Variants in GNB3 observed in about 807,000 individuals in gnomAD.
GNB3 encodes the protein guanine nucleotide-binding protein G(I)/G(S)/G(T) subunit beta-3.
GNB3 carries 33 observed loss-of-function variants against 41.2 expected under a neutral mutation model. The observed-to-expected ratio is 0.80, with a 90% confidence interval of 0.61 to 1.07. GNB3 has a LOEUF of 1.07. Ranked by LOEUF, GNB3 falls within the 50% of genes least tolerant of loss-of-function variation. The pLI is 0.00. For synonymous variants in GNB3, 172 were observed against 173.4 expected, an observed-to-expected ratio of 0.99 and a Z score of 0.06; for missense variants, 409 against 455.3, an observed-to-expected ratio of 0.90 and a Z score of 0.92.
chr12:6,844,493 CACCGCAGTCTCA>C (rs1189311891), intron 8 of GNB3, among the ~76,000 whole-genome samples: 1 of 152,116 alleles, frequency 6.6e-6, no homozygotes, highest in African/African-American at 2.4e-5. Context: ...TATCATAGCT[CACCGCAGTCTCA>C]ACCTCCAGGG....
chr12:6,845,993 C>G, intron 9 of GNB3, 191 bp downstream of exon 9: 1 of 592,052 alleles, frequency 1.7e-6, no homozygotes, highest in Non-Finnish European at 3.0e-6. Flanking sequence ...CAGTGTTGCT[C>G]TAAGCAGCCT....
intron 9 of GNB3, chr12:6,846,003 T>C: frequency 1.7e-6 from 1 of 582,814 alleles, no homozygotes. Flanking sequence ...CTAAGCAGCC[T>C]CTCTCCACTG....
At position 6,843,034 on chromosome 12, in the gene GNB3, A is replaced by T; in HGVS notation, c.161A>T (p.His54Leu). The T allele has an allele frequency of 6.3e-7, 1 of 1,583,106 alleles. No individual in the cohort carries two copies. Among genetic ancestry groups the T allele is most frequent in the Non-Finnish European group, 8.6e-7 (1 of 1,159,542 alleles). Residue 54 changes from histidine (H) to leucine (L), a missense_variant, in exon 4 of 10, where the codon CAC becomes CTC. Coordinates refer to ENST00000229264, the MANE Select transcript of GNB3 (RefSeq NM_002075.4). This position sits in a 1 kb window ranked among gnomAD's most constrained non-coding sequence, Gnocchi z 5.9. ...QMRTRRTLRGHLAKIYAMHWA... is the reference protein window; with the variant it reads ...QMRTRRTLRGLLAKIYAMHWA... The stretch of plus-strand genomic sequence containing the variant: ...CGGACGCGGCGGACGTTAAGGGGAC[A>T]CCTGGCCAAGATTTACGCCATGCAC...
At position 6,843,248 on chromosome 12, in the gene GNB3, T is replaced by C; in HGVS notation, c.267+11T>C. On this transcript the variant is annotated intron_variant, in intron 5 of 9. Coordinates refer to ENST00000229264, the MANE Select transcript of GNB3 (RefSeq NM_002075.4). This position sits in a 1 kb window ranked among gnomAD's most constrained non-coding sequence, Gnocchi z 5.9. ...TACACCACCAACAAGGTACCAGCCC[T>C]GCCTCCCTGAGCCTCCACCACTGCA... is the stretch of plus-strand genomic sequence containing the variant. The C allele has an allele frequency of 1.2e-6, 2 of 1,613,502 alleles. No individual in the cohort carries two copies. Among genetic ancestry groups the C allele is most frequent in the Non-Finnish European group, 1.7e-6 (2 of 1,179,458 alleles).
At position 6,843,369 on chromosome 12, in the gene GNB3, G is replaced by A. The variant is rs1268745886; in HGVS notation, c.274G>A (p.Ala92Thr). ...CAAACCACCCTCCCTGCAGGTGCAC[G>A]CCATCCCACTGCGCTCCTCCTGGGT... The part of the protein sequence containing the change: ...WDSYTTNKVH[A>T]IPLRSSWVMT... Residue 92 changes from alanine (A) to threonine (T), a missense_variant, in exon 6 of 10, where the codon GCC (alanine) becomes ACC (threonine). Ala to Thr is a moderately conservative substitution (Grantham distance 58). Coordinates refer to ENST00000229264, the MANE Select transcript of GNB3 (RefSeq NM_002075.4). This position sits in a 1 kb window ranked among gnomAD's most constrained non-coding sequence, Gnocchi z 5.9. The A allele has an allele frequency of 8.1e-6, 13 of 1,613,886 alleles. No homozygotes were observed. The highest frequency in any genetic ancestry group is 1.7e-5 in the Admixed American group (1 of 59,992).
At position 6,846,900 on chromosome 12, in the gene GNB3, G is replaced by A; in HGVS notation, c.*2G>A. The A allele has an allele frequency of 3.9e-6, 6 of 1,550,512 alleles. No individual in the cohort carries two copies. The highest frequency in any genetic ancestry group is 1.3e-5 in the African/African-American group (1 of 74,096). On this transcript the variant is annotated 3_prime_UTR_variant, in exon 10 of 10. Transcript: ENST00000229264. ...AGCTTCCTCAAAATCTGGAACTGAG[G>A]AGGCTGGAGAAAGGGAAGTGGAAGG...
In GNB3 at chr12:6,843,975, C is replaced by A; in HGVS notation, c.696C>A (p.Ile232=). 1 of 1,606,586 alleles carries A rather than the reference C, an allele frequency of 6.2e-7. No homozygotes were observed. The highest frequency in any genetic ancestry group is 8.5e-7 in the Non-Finnish European group (1 of 1,175,268). ...FTGHESDINA[I]CFFPNGEAIC... ...GCCACGAGTCGGACATCAACGCCAT[C>A]TGTGTGAGTGCACCCCCCACCCCAG... The change falls in exon 8 of 10, where the codon ATC becomes ATA. Residue 232 remains isoleucine, a synonymous_variant. Transcript: ENST00000229264. The surrounding 1 kb of genome is among the most constrained non-coding windows in gnomAD (Gnocchi z 5.9).
At chr12:6,846,634 TACAC>T in intron 9 of GNB3, 154 bp from the exon 10 acceptor site, 1 of 602,518 alleles carries the variant, frequency 1.7e-6, no homozygotes, top group East Asian at 2.8e-5. Flanking sequence ...CACACACACG[TACAC>T]ACACCCACAC....
chr12:6,844,091 GTATTTTTT>G lies in GNB3; in HGVS notation c.699+115_699+122del, dbSNP rs1943632804. On this transcript the variant is annotated intron_variant, in intron 8 of 9. Transcript: ENST00000229264. The stretch of plus-strand genomic sequence containing the variant: ...ATAGCTTCCCTAGCCCTTTCTTACT[GTATTTTTT>G]TTTTTTTTTTTTTTTTTTTTGAGAC... 25 of 258,854 alleles carry G rather than the reference GTATTTTTT, an allele frequency of 9.7e-5. 2 individuals carry two copies. The highest frequency in any genetic ancestry group is 4.4e-4 in the South Asian group (6 of 13,676). The allele number at this position is 258,854 out of a possible 1,614,324, so 16.0% of individuals were successfully genotyped here.
At chr12:6,845,263 G>A (rs1459803520) in intron 8 of GNB3, 1 of 331,366 alleles carries the variant, frequency 3.0e-6, no homozygotes, top group African/African-American at 2.1e-5. Context: ...CAGCCCACTT[G>A]TGTAGTCTGG....
rs926998095 is a variant in GNB3, at chr12:6,840,964, C to A, written c.-100C>A. 9.5e-6 allele frequency: 4 copies of A among 420,080 alleles called. No individual in the cohort carries two copies. The highest frequency in any genetic ancestry group is 4.2e-5 in the African/African-American group (2 of 47,584). 26.0% of individuals were successfully genotyped at this position (420,080 alleles called of 1,614,324 possible). On this transcript the variant is annotated 5_prime_UTR_variant, in exon 1 of 10. Transcript: ENST00000229264. ...AGGTGACGGGCGGGCGCGGGCGTCG[C>A]AGCTGAGGGAGTAAGGAGGCTCCCA...
chr12:6,846,693 A>G (rs1416563186), intron 9 of GNB3, 99 bp from the exon 10 acceptor site: 2 of 652,270 alleles, frequency 3.1e-6, no homozygotes, highest in Non-Finnish European at 5.4e-6. Flanking sequence ...CCACATACAC[A>G]CACACACCCA....
chr12:6,845,576 G>C lies in GNB3; in HGVS notation c.700-10G>C. ...CTGATCCCTGACCCACTTGCCACCC[G>C]TGCCCTCAGTTCTTCCCCAATGGAG... On this transcript the variant is annotated splice_polypyrimidine_tract_variant and intron_variant, in intron 8 of 9. Coordinates refer to ENST00000229264, the MANE Select transcript of GNB3 (RefSeq NM_002075.4). 6.3e-7 allele frequency: 1 copy of C among 1,596,998 alleles called. No individual in the cohort carries two copies. Among genetic ancestry groups the C allele is most frequent in the Non-Finnish European group, 8.5e-7 (1 of 1,170,306 alleles).
chr12:6,846,863 G>A lies in GNB3; in HGVS notation c.988G>A (p.Gly330Ser). ...AGCTGACGGGATGGCTGTGGCCACAGGTTCCTGGGACAGCTTCCTCAAAAT... is the reference window on the plus strand; with the variant it reads ...AGCTGACGGGATGGCTGTGGCCACAAGTTCCTGGGACAGCTTCCTCAAAAT... ...VTADGMAVAT[G>S]SWDSFLKIWN Residue 330 changes from glycine to serine, a missense_variant, in exon 10 of 10, where the codon GGT (glycine) becomes AGT (serine). By Grantham distance (56) the Gly-to-Ser change is moderately conservative. Coordinates refer to ENST00000229264, the MANE Select transcript of GNB3 (RefSeq NM_002075.4). 2 of 1,598,860 alleles carry A rather than the reference G, an allele frequency of 1.3e-6. No homozygotes were observed. Among genetic ancestry groups the A allele is most frequent in the Non-Finnish European group, 1.7e-6 (2 of 1,172,590 alleles).
Position 6,840,962 on chromosome 12 carries a change from C to T in GNB3, c.-102C>T, listed in dbSNP as rs971143042. On this transcript the variant is annotated 5_prime_UTR_variant, in exon 1 of 10. Coordinates refer to ENST00000229264, the MANE Select transcript of GNB3 (RefSeq NM_002075.4). ...GCAGGTGACGGGCGGGCGCGGGCGT[C>T]GCAGCTGAGGGAGTAAGGAGGCTCC... The T allele has an allele frequency of 9.3e-5, 38 of 406,420 alleles. No homozygotes were observed. Among genetic ancestry groups the T allele is most frequent in the African/African-American group, 5.7e-4 (27 of 47,170 alleles). The allele number at this position is 406,420 out of a possible 1,614,324, so 25.2% of individuals were successfully genotyped here. A position where few individuals can be genotyped will look rare whatever the true frequency, so the allele number is the denominator to read the frequency against.
At chr12:6,841,901 T>C in intron 3 of GNB3, 2 of 635,350 alleles carry the variant, frequency 3.1e-6, no homozygotes, top group Non-Finnish European at 5.8e-6. Flanking sequence ...GCGATAGTAC[T>C]TTGTAAATTA....
chr12:6,846,344 C>T (rs1372075155), intron 9 of GNB3: 1 of 166,422 alleles, frequency 6.0e-6, no homozygotes, highest in Admixed American at 6.0e-5. Context: ...CAAGTCACTC[C>T]TCCATGGGCC....
chr12:6,841,242 C>T lies in GNB3; in HGVS notation c.-30-16C>T. ...TGGTGGGGGGTTCCTCAACACCGACCCCATGTTCCTGGCAGGAGCCAGAGT... is the reference window on the plus strand; with the variant it reads ...TGGTGGGGGGTTCCTCAACACCGACTCCATGTTCCTGGCAGGAGCCAGAGT... On this transcript the variant is annotated splice_polypyrimidine_tract_variant and intron_variant, in intron 1 of 9. Transcript: ENST00000229264. The T allele has an allele frequency of 6.4e-7, 1 of 1,552,372 alleles. No homozygotes were observed. The highest frequency in any genetic ancestry group is 2.3e-5 in the East Asian group (1 of 44,076).
chr12:6,847,085 A>G lies in GNB3; in HGVS notation c.*187A>G. The G allele has an allele frequency of 1.7e-6, 1 of 576,044 alleles. No individual in the cohort carries two copies. Among genetic ancestry groups the G allele is most frequent in the Middle Eastern group, 4.6e-4 (1 of 2,156 alleles). The allele number at this position is 576,044 out of a possible 1,614,324, so 35.7% of individuals were successfully genotyped here. On this transcript the variant is annotated 3_prime_UTR_variant, in exon 10 of 10. Transcript: ENST00000229264. ...AGCATCAGGGACACAGGGGCAAAGA[A>G]CTGCCCCATCTCCTCCCATGGCCTT...
Sources: gnomAD v4.1 joint callset for allele counts (sites outside exome capture counted in the v4.1 genomes callset) on GRCh38, gnomAD v4.1.1 for gene constraint, Gnocchi (gnomAD v3.1) non-coding constraint, MANE v1.5 for transcripts, NCBI Gene and HGNC (gene_info 2026-07-23, HGNC 2026-07-21) for gene names.